Variants in COPS9 observed in about 807,000 individuals in gnomAD.
COPS9 encodes COP9 signalosome subunit 9.
In COPS9, 8 loss-of-function variants were observed where a neutral mutation model predicts 7.2. That is an observed-to-expected ratio of 1.11 (90% confidence interval 0.65 to 2.00). The LOEUF (loss-of-function observed/expected upper bound fraction) is 2.00. COPS9 is among the 30% of genes most tolerant of loss of function. The pLI, the probability that COPS9 is intolerant of heterozygous loss-of-function variation, is 0.00. For missense variants in COPS9, 74 were observed against 77.7 expected (o/e 0.95, Z 0.18); for synonymous variants, 39 against 28.7 (o/e 1.36, Z -1.14).
In COPS9 at chr2:240,131,180, CA is replaced by C. The variant is rs1330351058; in HGVS notation, c.137-93del. On this transcript the variant is annotated intron_variant, in intron 2 of 2. Transcript: ENST00000607357. Reference sequence around the variant, plus strand: ...ATGAATTATATAGTAGTCCAAAATACAGAGATAATCGTCAATGATCCAATGA... The same window carrying C: ...ATGAATTATATAGTAGTCCAAAATACGAGATAATCGTCAATGATCCAATGA... The C allele has an allele frequency of 3.0e-6, 4 of 1,346,548 alleles. No individual in the cohort carries two copies. In the East Asian group the frequency reaches 7.1e-5, roughly 24 times the overall value. 83.4% of individuals were successfully genotyped at this position (1,346,548 alleles called of 1,614,324 possible). A position where few individuals can be genotyped will look rare whatever the true frequency, so the allele number is the denominator to read the frequency against.
downstream of COPS9, chr2:240,126,677 T>C: frequency 6.2e-7 from 1 of 1,614,216 alleles, no homozygotes; most frequent in Non-Finnish European, 8.5e-7. Flanking sequence ...AAACTGATAT[T>C]GTGCTGTCTT....
chr2:240,132,809 C>T lies in COPS9; in HGVS notation c.136+1124G>A, dbSNP rs888657563. Among the ~76,000 whole-genome samples, 4 of 152,180 alleles carry T rather than the reference C, an allele frequency of 2.6e-5. No homozygotes were observed. Among genetic ancestry groups the T allele is most frequent in the African/African-American group, 4.8e-5 (2 of 41,430 alleles). Reference sequence around the variant, plus strand: ...GTTTTTGCAAAGCAGCTTTGGAGAGCGCTCTGCAGCTTTGTACAATTTGTT... The same window carrying T: ...GTTTTTGCAAAGCAGCTTTGGAGAGTGCTCTGCAGCTTTGTACAATTTGTT... On this transcript the variant is annotated intron_variant, in intron 2 of 2. Transcript: ENST00000607357. This position sits in a 1 kb window ranked among gnomAD's most constrained non-coding sequence, Gnocchi z 4.1.
downstream of COPS9, chr2:240,130,822 C>T (rs1209080423): frequency 7.9e-6 from 11 of 1,401,094 alleles, no homozygotes; most frequent in South Asian, 3.5e-5. Context: ...GAGATCACTC[C>T]ACATGTGACA....
At chr2:240,129,605 G>A (rs1466991712), downstream of COPS9, among the ~76,000 whole-genome samples, 4 of 152,208 alleles carry the variant, frequency 2.6e-5, no homozygotes, top group Non-Finnish European at 2.9e-5. Context: ...CTCAGCTGAA[G>A]GGGAACTGCA....
intron 1 of COPS9, 73 bp from the exon 2 acceptor site, chr2:240,134,078 C>G: frequency 7.4e-7 from 1 of 1,351,020 alleles, no homozygotes; most frequent in South Asian, 1.2e-5. Flanking sequence ...ATTGCAGGGC[C>G]ACTACCCCCA....
intron 2 of COPS9, among the ~76,000 whole-genome samples, chr2:240,133,443 C>T (rs1263762715): frequency 1.3e-5 from 2 of 152,218 alleles, no homozygotes; most frequent in African/African-American, 4.8e-5. Context: ...ACACATCCTG[C>T]GTCCTGATTT....
At chr2:240,128,198 G>A (rs1042509884), downstream of COPS9, among the ~76,000 whole-genome samples, 5 of 152,178 alleles carry the variant, frequency 3.3e-5, no homozygotes, top group Admixed American at 6.5e-5. Context: ...TGCCACCCTG[G>A]GAGGCGTGTT....
intron 1 of COPS9, 132 bp from the exon 2 acceptor site, chr2:240,134,137 A>G: frequency 1.3e-6 from 1 of 760,344 alleles, no homozygotes; most frequent in Non-Finnish European, 2.2e-6. Context: ...TGGAGTCAAC[A>G]TTTTAGTTCC....
downstream of COPS9, among the ~76,000 whole-genome samples, chr2:240,128,128 G>A (rs1175613957): frequency 6.6e-6 from 1 of 152,230 alleles, no homozygotes; most frequent in Non-Finnish European, 1.5e-5. Flanking sequence ...CGCACAGCTC[G>A]CAGAAGGTGG....
intron 2 of COPS9, 112 bp downstream of exon 2, chr2:240,133,821 G>A (rs1191572116): frequency 9.5e-7 from 1 of 1,053,284 alleles, no homozygotes; most frequent in African/African-American, 1.6e-5. Flanking sequence ...GGAGCGCAGG[G>A]GCTCTACCAC....
chr2:240,130,594 C>T (rs916482242), downstream of COPS9, among the ~76,000 whole-genome samples: 2 of 152,260 alleles, frequency 1.3e-5, no homozygotes, highest in African/African-American at 2.4e-5. Context: ...AGCAGAGGGG[C>T]GGCCCCGTGG....
Position 240,132,237 on chromosome 2 carries a change from G to A in COPS9, c.137-1149C>T, listed in dbSNP as rs1412264989. Among the ~76,000 whole-genome samples the A allele has an allele frequency of 6.6e-6, 1 of 152,222 alleles. No individual in the cohort carries two copies. Among genetic ancestry groups the A allele is most frequent in the Non-Finnish European group, 1.5e-5 (1 of 68,042 alleles). On this transcript the variant is annotated intron_variant, in intron 2 of 2. Transcript: ENST00000607357. This position sits in a 1 kb window ranked among gnomAD's most constrained non-coding sequence, Gnocchi z 4.1. Reference sequence around the variant, plus strand: ...GACCCACAATTTTGTAAGACATGGCGAGGGAAGAGAGAGTGTCTCTTTCGT... The same window carrying A: ...GACCCACAATTTTGTAAGACATGGCAAGGGAAGAGAGAGTGTCTCTTTCGT...
intron 1 of COPS9, 61 bp downstream of exon 1, chr2:240,136,161 G>C: frequency 3.3e-6 from 4 of 1,210,282 alleles, no homozygotes; most frequent in Non-Finnish European, 4.2e-6. Context: ...CCAGGACGCC[G>C]CCCTTCCGCT....
At chr2:240,128,251 AAG>A, downstream of COPS9, among the ~76,000 whole-genome samples, 1 of 152,296 alleles carries the variant, frequency 6.6e-6, no homozygotes, top group East Asian at 1.9e-4. Context: ...ACGGTGGAGA[AAG>A]AAACTGTTGT....
chr2:240,131,579 G>C (rs920488346), intron 2 of COPS9, among the ~76,000 whole-genome samples: 1 of 152,228 alleles, frequency 6.6e-6, no homozygotes, highest in South Asian at 2.1e-4. Context: ...GAAGCCTCCA[G>C]TAAGGGAGCG....
At chr2:240,129,974 C>A, downstream of COPS9, 1 of 1,614,008 alleles carries the variant, frequency 6.2e-7, no homozygotes, top group East Asian at 2.2e-5. Context: ...ACTGCCCTCG[C>A]TGCAGTGCGG....
intron 1 of COPS9, 159 bp from the exon 2 acceptor site, chr2:240,134,164 A>T: frequency 1.6e-6 from 1 of 630,900 alleles, no homozygotes; most frequent in Non-Finnish European, 2.8e-6. Context: ...AGGAATGTGT[A>T]TTGGGGGGAG....
downstream of COPS9, among the ~76,000 whole-genome samples, chr2:240,128,093 G>C (rs961407662): frequency 8.5e-5 from 13 of 152,240 alleles, no homozygotes; most frequent in African/African-American, 2.9e-4. Flanking sequence ...TCCGGGTGCT[G>C]ATCCAGGGCT....
intron 2 of COPS9, 116 bp from the exon 3 acceptor site, chr2:240,131,204 T>A: frequency 1.6e-6 from 2 of 1,222,058 alleles, no homozygotes; most frequent in Non-Finnish European, 2.3e-6. Flanking sequence ...AATGATCCAA[T>A]GAAATAAAAG....
Sources: gnomAD v4.1 joint callset for allele counts (sites outside exome capture counted in the v4.1 genomes callset) on GRCh38, gnomAD v4.1.1 for gene constraint, Gnocchi (gnomAD v3.1) non-coding constraint, MANE v1.5 for transcripts, NCBI Gene and HGNC (gene_info 2026-07-23, HGNC 2026-07-21) for gene names.